The following ALG14 variants were observed in gnomAD, a reference collection of about 807,000 sequenced individuals.
ALG14 encodes the protein ALG14 UDP-N-acetylglucosaminyltransferase subunit, also known as UDP-N-acetylglucosamine transferase subunit ALG14.
A neutral mutation model predicts 22.8 loss-of-function variants in ALG14; 17 were observed. That is an observed-to-expected ratio of 0.75 (90% CI 0.51 to 1.12). ALG14 has a LOEUF of 1.12. Ranked by LOEUF, ALG14 falls within the 50% of genes most tolerant of loss-of-function variation. The pLI is 0.00. For missense variants in ALG14, 288 were observed against 271.8 expected, an observed-to-expected ratio of 1.06 and a Z score of -0.42; for synonymous variants, 89 against 103.7, an observed-to-expected ratio of 0.86 and a Z score of 0.86.
At chr1:95,069,890 A>C (rs6683112) in intron 1 of ALG14, among the ~76,000 whole-genome samples, 53,700 of 151,690 alleles carry the variant, frequency 0.35, 10,843 homozygotes, top group Middle Eastern at 0.46. Flanking sequence ...TTTCTGTGTA[A>C]AAACTGGCCA....
chr1:95,006,757 A>G (rs1395417181), intron 3 of ALG14, among the ~76,000 whole-genome samples: 1 of 152,264 alleles, frequency 6.6e-6, no homozygotes, highest in Non-Finnish European at 1.5e-5. Context: ...TGGGCAGAGC[A>G]TGATGAATCC....
chr1:95,066,728 C>G (rs1172000743), intron 1 of ALG14, among the ~76,000 whole-genome samples: 25 of 151,946 alleles, frequency 1.6e-4, no homozygotes, highest in Admixed American at 1.6e-3. Flanking sequence ...TTTGGTTTAG[C>G]CTCGAAAAAA....
chr1:95,044,969 A>AT (rs1167426907), intron 2 of ALG14, among the ~76,000 whole-genome samples: 2 of 152,292 alleles, frequency 1.3e-5, no homozygotes, highest in East Asian at 3.9e-4. Flanking sequence ...CATCAGGAAC[A>AT]TGCTTCTGTA....
At chr1:95,030,553 T>G (rs1673967281) in intron 2 of ALG14, among the ~76,000 whole-genome samples, 1 of 152,240 alleles carries the variant, frequency 6.6e-6, no homozygotes, top group Admixed American at 6.5e-5. Context: ...TCATGTTCCT[T>G]TAATTTTGTT....
At chr1:95,016,393 C>T (rs575029636) in intron 3 of ALG14, among the ~76,000 whole-genome samples, 1 of 152,164 alleles carries the variant, frequency 6.6e-6, no homozygotes, top group South Asian at 2.1e-4. Context: ...AAGGTATCAT[C>T]TGTGTAAGTT....
At chr1:95,058,945 T>C (rs577157728) in intron 2 of ALG14, among the ~76,000 whole-genome samples, 1 of 152,126 alleles carries the variant, frequency 6.6e-6, no homozygotes, top group South Asian at 2.1e-4. Context: ...ATTTGCCTTA[T>C]TGCCTGGAGA....
chr1:95,066,247 G>C (rs72720259), intron 1 of ALG14, among the ~76,000 whole-genome samples: 11,872 of 151,756 alleles, frequency 0.078, 493 homozygotes, highest in African/African-American at 0.11. Flanking sequence ...CCCCCAGGTG[G>C]AGTTTCACGC....
chr1:94,995,877 T>C (rs17112852), intron 3 of ALG14, among the ~76,000 whole-genome samples: 18,519 of 152,278 alleles, frequency 0.12, 1,229 homozygotes, highest in South Asian at 0.19. Flanking sequence ...CAGTGATGCA[T>C]CTCACCCATC....
chr1:95,030,333 G>C (rs553364676), intron 2 of ALG14, among the ~76,000 whole-genome samples: 21 of 151,438 alleles, frequency 1.4e-4, no homozygotes, highest in Admixed American at 2.6e-4. Context: ...CCAGTTTTCA[G>C]AGCTCTTTAG....
At chr1:95,005,059 A>T (rs929999618) in intron 3 of ALG14, among the ~76,000 whole-genome samples, 4 of 152,242 alleles carry the variant, frequency 2.6e-5, no homozygotes, top group African/African-American at 9.6e-5. Flanking sequence ...GAACAAATAC[A>T]GTTTAACTCA....
intron 3 of ALG14, among the ~76,000 whole-genome samples, chr1:95,024,990 T>C (rs1255407059): frequency 6.6e-6 from 1 of 152,214 alleles, no homozygotes; most frequent in African/African-American, 2.4e-5. Context: ...AGGTTTTCAA[T>C]TGACTTTGTC....
At chr1:95,042,605 C>T (rs953831515) in intron 2 of ALG14, among the ~76,000 whole-genome samples, 3 of 152,228 alleles carry the variant, frequency 2.0e-5, no homozygotes, top group Non-Finnish European at 2.9e-5. Flanking sequence ...TGGTGGGGCA[C>T]ACCCTCTGTG....
chr1:95,018,683 C>A (rs919301723), intron 3 of ALG14, among the ~76,000 whole-genome samples: 1 of 152,126 alleles, frequency 6.6e-6, no homozygotes, highest in Non-Finnish European at 1.5e-5. Context: ...GCAGGAAATT[C>A]ACCCCCTACC....
chr1:94,999,699 C>T (rs945485041), intron 3 of ALG14, among the ~76,000 whole-genome samples: 2 of 152,212 alleles, frequency 1.3e-5, no homozygotes, highest in Non-Finnish European at 2.9e-5. Context: ...CGCTGGATTC[C>T]TCATGGAAAC....
In ALG14 at chr1:95,070,011, C is replaced by T. The variant is rs192856750; in HGVS notation, c.136+2752G>A. 7.2e-5 allele frequency among the ~76,000 whole-genome samples: 11 copies of T among 152,264 alleles called. No homozygotes were observed. The East Asian group carries it at 2.1e-3, about 29-fold the overall frequency. ...GGCCAGGAGTTCAAGACCAGTCTGG[C>T]ACACATAGCAAGACACCATCTCTAT... On this transcript the variant is annotated intron_variant, in intron 1 of 3. Coordinates refer to ENST00000370205, the MANE Select transcript of ALG14 (RefSeq NM_144988.4).
At chr1:95,053,845 G>A (rs1674836307) in intron 2 of ALG14, among the ~76,000 whole-genome samples, 1 of 152,074 alleles carries the variant, frequency 6.6e-6, no homozygotes, top group Admixed American at 6.6e-5. Context: ...CAAACAATGG[G>A]GAATATAATT....
chr1:95,007,094 G>C (rs1242103799), intron 3 of ALG14, among the ~76,000 whole-genome samples: 1 of 152,212 alleles, frequency 6.6e-6, no homozygotes, highest in Admixed American at 6.5e-5. Flanking sequence ...GGTGGGGATG[G>C]TCTGTCTTAA....
At chr1:95,058,854 T>C (rs1311313174) in intron 2 of ALG14, among the ~76,000 whole-genome samples, 1 of 151,956 alleles carries the variant, frequency 6.6e-6, no homozygotes, top group Non-Finnish European at 1.5e-5. Context: ...AGGAGAAAGC[T>C]AATGAAAATC....
chr1:95,008,747 T>A (rs1052001823), intron 3 of ALG14, among the ~76,000 whole-genome samples: 1 of 152,194 alleles, frequency 6.6e-6, no homozygotes, highest in African/African-American at 2.4e-5. Flanking sequence ...TACAAGGTTG[T>A]AATTGTGCTA....
Sources: gnomAD v4.1 joint callset for allele counts (sites outside exome capture counted in the v4.1 genomes callset) on GRCh38, gnomAD v4.1.1 for gene constraint, MANE v1.5 for transcripts, NCBI Gene and HGNC (gene_info 2026-07-23, HGNC 2026-07-21) for gene names.